Variants in SEC23A observed in about 807,000 individuals in gnomAD.
The protein encoded by SEC23A is SEC23 homolog A, COPII component, also known as protein transport protein Sec23A.
Under a neutral mutation model 103.7 loss-of-function variants are expected in SEC23A, and 56 were observed. That is an observed-to-expected ratio of 0.54 (90% confidence interval 0.44 to 0.67). The LOEUF (loss-of-function observed/expected upper bound fraction) is 0.67, where lower values mean the gene tolerates loss of function less well. Among genes scored for constraint, SEC23A ranks in the 30% least tolerant of loss-of-function variants. The pLI, the probability that SEC23A is intolerant of heterozygous loss-of-function variation, is 0.00. For synonymous variants in SEC23A, 281 were observed against 293.0 expected, an observed-to-expected ratio of 0.96 and a Z score of 0.42; for missense variants, 784 against 936.4, an observed-to-expected ratio of 0.84 and a Z score of 2.12.
intron 4 of SEC23A, 69 bp downstream of exon 4, chr14:39,092,472 A>T: frequency 1.1e-6 from 1 of 921,330 alleles, no homozygotes; most frequent in Non-Finnish European, 1.7e-6. Context: ...CTTCTAAATC[A>T]TCATAATTTA....
intron 15 of SEC23A, among the ~76,000 whole-genome samples, chr14:39,048,240 C>T (rs1885913781): frequency 1.3e-5 from 2 of 152,016 alleles, no homozygotes; most frequent in South Asian, 2.1e-4. Flanking sequence ...CAAAACTTAC[C>T]TAACAAAAAG....
intron 3 of SEC23A, 72 bp downstream of exon 3, chr14:39,093,115 C>T: frequency 8.1e-7 from 1 of 1,227,282 alleles, no homozygotes; most frequent in Middle Eastern, 1.9e-4. Context: ...GATCCACCCG[C>T]CTCGGCCTCC....
rs983450571 is a variant in SEC23A at position 39,033,438 on chromosome 14, A to G, written c.2209-110T>C. ...AATCATTTGAAATGCCTATGGTCCT[A>G]TTAAATAAAAAGAATCTAACTGGCC... is the stretch of plus-strand genomic sequence containing the variant. On this transcript the variant is annotated intron_variant, in intron 19 of 19. Coordinates refer to ENST00000307712, the MANE Select transcript of SEC23A (RefSeq NM_006364.4). The G allele has an allele frequency of 1.4e-5, 6 of 427,846 alleles. No individual in the cohort carries two copies. The East Asian group carries it at 3.6e-4, about 25-fold the overall frequency. The allele number at this position is 427,846 out of a possible 1,614,324, so 26.5% of individuals were successfully genotyped here. A position where few individuals can be genotyped will look rare whatever the true frequency, so the allele number is the denominator to read the frequency against.
At position 39,103,131 on chromosome 14, in the gene SEC23A, C is replaced by G. The variant is rs1888180238; in HGVS notation, c.-121G>C. ...CTTTGCAAAATCTGTCCTCTCCGCC[C>G]AGCAGGAGCAGTCCGTGGCACCGCA... On this transcript the variant is annotated 5_prime_UTR_variant, in exon 1 of 20. Transcript: ENST00000307712. 6.6e-6 allele frequency: 1 copy of G among 152,194 alleles called. No homozygotes were observed. The highest frequency in any genetic ancestry group is 2.4e-5 in the African/African-American group (1 of 41,368). 9.4% of individuals were successfully genotyped at this position (152,194 alleles called of 1,614,324 possible).
chr14:39,058,828 T>C (rs536327952), intron 13 of SEC23A, among the ~76,000 whole-genome samples: 11 of 152,324 alleles, frequency 7.2e-5, no homozygotes, highest in African/African-American at 2.4e-4. Context: ...TTATTAATTA[T>C]TTTAGTTTTA....
At chr14:39,063,233 G>GA in intron 12 of SEC23A, 91 bp downstream of exon 12, 72 of 780,846 alleles carry the variant, frequency 9.2e-5, no homozygotes, top group Non-Finnish European at 1.3e-4. Flanking sequence ...ATCTACTATA[G>GA]GAAAAAAAAT....
intron 1 of SEC23A, among the ~76,000 whole-genome samples, chr14:39,099,584 T>C (rs1436650765): frequency 1.3e-5 from 2 of 152,238 alleles, no homozygotes; most frequent in Admixed American, 1.3e-4. Context: ...ACAAAATGTA[T>C]TAACATTTAG....
At chr14:39,048,792 TA>T in intron 14 of SEC23A, 63 bp from the exon 15 acceptor site, 1 of 857,640 alleles carries the variant, frequency 1.2e-6, no homozygotes, top group Non-Finnish European at 1.9e-6. Context: ...CTGTTGCCTA[TA>T]AATATTCTAT....
chr14:39,081,721 T>C (rs1403683553), intron 7 of SEC23A, among the ~76,000 whole-genome samples: 1 of 152,144 alleles, frequency 6.6e-6, no homozygotes, highest in Admixed American at 6.5e-5. Flanking sequence ...TGGTACTGAA[T>C]TGAACATACC....
At chr14:39,070,267 A>G (rs1456297923) in intron 9 of SEC23A, among the ~76,000 whole-genome samples, 2 of 152,248 alleles carry the variant, frequency 1.3e-5, no homozygotes, top group Non-Finnish European at 2.9e-5. Flanking sequence ...AATGAATTAA[A>G]TAAATAAACC....
In SEC23A at chr14:39,093,333, T is replaced by G. The variant is rs574020896; in HGVS notation, c.222-89A>C. 896 of 1,082,300 alleles carry G rather than the reference T, an allele frequency of 8.3e-4. 8 individuals are homozygous for G. Among genetic ancestry groups the G allele is most frequent in the Middle Eastern group, 7.0e-3 (34 of 4,888 alleles). 67.0% of individuals were successfully genotyped at this position (1,082,300 alleles called of 1,614,324 possible). On this transcript the variant is annotated intron_variant, in intron 2 of 19. Coordinates refer to ENST00000307712, the MANE Select transcript of SEC23A (RefSeq NM_006364.4). ...AATTTCAATAAAATTAATTTCTTCC[T>G]AAAACATGAACATATTCAAATTGAT...
At chr14:39,079,870 A>C (rs992431490) in intron 7 of SEC23A, among the ~76,000 whole-genome samples, 2 of 152,078 alleles carry the variant, frequency 1.3e-5, no homozygotes, top group Non-Finnish European at 2.9e-5. Flanking sequence ...ATGGTTAACA[A>C]ATCTAGAGAA....
chr14:39,054,655 CAG>C (rs1000103970), intron 14 of SEC23A, among the ~76,000 whole-genome samples: 12 of 151,694 alleles, frequency 7.9e-5, no homozygotes, highest in Non-Finnish European at 7.4e-5. Context: ...TTTGGAGAGA[CAG>C]GGGTTTCGCC....
chr14:39,072,131 C>G (rs940809775), intron 9 of SEC23A, among the ~76,000 whole-genome samples: 1 of 151,470 alleles, frequency 6.6e-6, no homozygotes, highest in Non-Finnish European at 1.5e-5. Context: ...ACTGGGGAAG[C>G]TAAGATAGGA....
At chr14:39,077,216 A>C (rs1392616111) in intron 7 of SEC23A, among the ~76,000 whole-genome samples, 8 of 127,606 alleles carry the variant, frequency 6.3e-5, no homozygotes, top group Non-Finnish European at 1.3e-4. Context: ...CAATGGAGCA[A>C]GACTCCATCT....
intron 7 of SEC23A, among the ~76,000 whole-genome samples, chr14:39,083,718 A>G (rs1392085559): frequency 2.0e-5 from 3 of 151,314 alleles, no homozygotes; most frequent in Admixed American, 6.6e-5. Context: ...GCCTGCCACC[A>G]CACCTGGCTA....
At chr14:39,081,662 G>A (rs558937426) in intron 7 of SEC23A, among the ~76,000 whole-genome samples, 1 of 152,240 alleles carries the variant, frequency 6.6e-6, no homozygotes, top group East Asian at 1.9e-4. Context: ...GTTTCTCATA[G>A]AGAATGAGTT....
At position 39,040,901 on chromosome 14, in the gene SEC23A, A is replaced by G; in HGVS notation, c.1987-14T>C. ...CTGTGCTATGGTCTAATTTTAAAAC[A>G]ATTAAAGAAATTACTTTAAATTTCT... is the stretch of plus-strand genomic sequence containing the variant. On this transcript the variant is annotated splice_polypyrimidine_tract_variant and intron_variant, in intron 17 of 19. Transcript: ENST00000307712. The G allele has an allele frequency of 6.3e-7, 1 of 1,598,652 alleles. No homozygotes were observed. The highest frequency in any genetic ancestry group is 8.5e-7 in the Non-Finnish European group (1 of 1,172,600).
intron 1 of SEC23A, among the ~76,000 whole-genome samples, chr14:39,102,102 C>T (rs1281984030): frequency 2.0e-5 from 3 of 151,996 alleles, no homozygotes; most frequent in Non-Finnish European, 2.9e-5. Context: ...CATAGTAGCT[C>T]GCCCCTGTAA....
Sources: allele counts gnomAD v4.1 joint callset (sites outside exome capture counted in the v4.1 genomes callset), GRCh38; gene constraint gnomAD v4.1.1; transcripts MANE v1.5; gene names NCBI Gene and HGNC (gene_info 2026-07-23, HGNC 2026-07-21).